Variants in SMAP2 observed in about 807,000 individuals in gnomAD.
SMAP2 encodes the protein stromal membrane-associated protein 2.
In SMAP2, 25 loss-of-function variants were observed where a neutral mutation model predicts 56.4. The observed-to-expected ratio is 0.44, with a 90% CI of 0.32 to 0.62. The LOEUF is 0.62. Ranked by LOEUF, SMAP2 falls within the 20% of genes least tolerant of loss-of-function variation. The probability of loss-of-function intolerance (pLI) is 0.04; values close to 1 mark genes in which losing one functional copy is unlikely to be tolerated. For synonymous variants in SMAP2, 157 were observed against 181.7 expected (o/e 0.86, Z 1.09); for missense variants, 388 against 545.6 (o/e 0.71, Z 2.88).
At chr1:40,357,936 A>G (rs1473596458) in intron 1 of SMAP2, among the ~76,000 whole-genome samples, 3 of 150,826 alleles carry the variant, frequency 2.0e-5, no homozygotes. Context: ...TATAAATTTT[A>G]GGATTGTTTT....
rs924997056 is a variant in SMAP2, at chr1:40,374,648, G to A, written c.103+425G>A. The A allele has an allele frequency of 2.1e-6, 3 of 1,405,824 alleles. No homozygotes were observed. Among genetic ancestry groups the A allele is most frequent in the African/African-American group, 2.9e-5 (2 of 68,872 alleles). The allele number at this position is 1,405,824 out of a possible 1,614,324, so 87.1% of individuals were successfully genotyped here. A position where few individuals can be genotyped will look rare whatever the true frequency, so the allele number is the denominator to read the frequency against. ...GTGAGAGAGAGAGAGAGAGAATGACGAGGAGGAGGAGGAGGGAAGTGAGAT... is the reference window on the plus strand; with the variant it reads ...GTGAGAGAGAGAGAGAGAGAATGACAAGGAGGAGGAGGAGGGAAGTGAGAT... On this transcript the variant is annotated intron_variant, in intron 1 of 9. Transcript: ENST00000372718. This position sits in a 1 kb window ranked among gnomAD's most constrained non-coding sequence, Gnocchi z 5.9.
rs541237302 is a variant in SMAP2, at chr1:40,408,021, A to G, written c.238-632A>G. On this transcript the variant is annotated intron_variant, in intron 2 of 9. Coordinates refer to ENST00000372718, the MANE Select transcript of SMAP2 (RefSeq NM_022733.3). This position sits in a 1 kb window ranked among gnomAD's most constrained non-coding sequence, Gnocchi z 4.3. ...CCCCGCCCCCCAAATCCAGTTGCTA[A>G]AGTTGGTAATGGAAATCAGAGGTTA... is the stretch of plus-strand genomic sequence containing the variant. Among the ~76,000 whole-genome samples, 4 of 150,192 alleles carry G rather than the reference A, an allele frequency of 2.7e-5. No homozygotes were observed. The highest frequency in any genetic ancestry group is 2.0e-4 in the Admixed American group (3 of 15,062).
intron 1 of SMAP2, among the ~76,000 whole-genome samples, chr1:40,353,707 G>A (rs755759296): frequency 3.9e-5 from 6 of 151,920 alleles, no homozygotes; most frequent in Non-Finnish European, 7.4e-5. Flanking sequence ...ATCCTCAGAA[G>A]TTCTGATTTA....
intron 5 of SMAP2, 61 bp from the exon 6 acceptor site, chr1:40,414,098 A>C: frequency 2.7e-6 from 4 of 1,467,100 alleles, no homozygotes; most frequent in Non-Finnish European, 3.8e-6. Context: ...TTTACAGTGG[A>C]GATGGGAAAA....
At chr1:40,410,368 G>T (rs1644923131) in intron 4 of SMAP2, among the ~76,000 whole-genome samples, 1 of 151,786 alleles carries the variant, frequency 6.6e-6, no homozygotes, top group Non-Finnish European at 1.5e-5. Flanking sequence ...TGTTAGTGAT[G>T]ATTCCCAGTT....
chr1:40,406,809 G>C lies in SMAP2; in HGVS notation c.177G>C (p.Gly59=). The C allele has an allele frequency of 6.2e-7, 1 of 1,614,026 alleles. No individual in the cohort carries two copies. Among genetic ancestry groups the C allele is most frequent in the Non-Finnish European group, 8.5e-7 (1 of 1,179,954 alleles). Residue 59 remains glycine (G), a synonymous_variant, in exon 2 of 10, where the codon GGG becomes GGC. Coordinates refer to ENST00000372718, the MANE Select transcript of SMAP2 (RefSeq NM_022733.3). ...IRCAGIHRNL[G]VHISRVKSVN... is the part of the protein sequence containing the mutation. The stretch of plus-strand genomic sequence containing the variant: ...GTGCTGGAATCCACAGGAATCTGGG[G>C]GTGCACATATCCAGGGTAAAGTCAG...
intron 2 of SMAP2, chr1:40,365,309 A>G (rs1261908183): frequency 6.6e-6 from 1 of 152,340 alleles, no homozygotes; most frequent in Non-Finnish European, 1.5e-5. Flanking sequence ...TATTTCAAAT[A>G]ATTTTTAAAA....
intron 8 of SMAP2, 160 bp downstream of exon 8, chr1:40,416,501 G>A (rs1408896388): frequency 2.4e-6 from 2 of 819,376 alleles, no homozygotes; most frequent in South Asian, 1.8e-5. Context: ...GGAAATTAAT[G>A]TAACTCAGAG....
At chr1:40,413,194 T>C (rs1050722139) in intron 5 of SMAP2, 92 bp downstream of exon 5, 1 of 925,434 alleles carries the variant, frequency 1.1e-6, no homozygotes, top group Non-Finnish European at 1.8e-6. Context: ...TGAGTACCAT[T>C]GCACCATCAC....
intron 7 of SMAP2, among the ~76,000 whole-genome samples, chr1:40,415,747 G>A (rs1291954871): frequency 1.3e-5 from 2 of 152,194 alleles, no homozygotes; most frequent in Non-Finnish European, 2.9e-5. Context: ...CAGGCACAGT[G>A]TGAGGTGGTT....
Position 40,385,696 on chromosome 1 carries a change from G to A in SMAP2, c.103+11473G>A, listed in dbSNP as rs146490006. Among the ~76,000 whole-genome samples the A allele has an allele frequency of 3.5e-3, 527 of 152,362 alleles. 3 individuals carry two copies. Among genetic ancestry groups the A allele is most frequent in the African/African-American group, 0.012 (501 of 41,580 alleles). On this transcript the variant is annotated intron_variant, in intron 1 of 9. Coordinates refer to ENST00000372718, the MANE Select transcript of SMAP2 (RefSeq NM_022733.3). The surrounding 1 kb of genome is among the most constrained non-coding windows in gnomAD (Gnocchi z 4.5). ...TCAAATAGCCATGCTGTCTTTTGCA[G>A]CAGTTGCTGGTGACGGAATACCATA... is the stretch of plus-strand genomic sequence containing the variant.
At chr1:40,392,552 T>C (rs1464108509) in intron 1 of SMAP2, among the ~76,000 whole-genome samples, 1 of 152,186 alleles carries the variant, frequency 6.6e-6, no homozygotes, top group Non-Finnish European at 1.5e-5. Flanking sequence ...CTCCCTCCCC[T>C]ATTCAGAGAA....
At chr1:40,359,347 C>T (rs1644449777) in intron 1 of SMAP2, among the ~76,000 whole-genome samples, 3 of 152,156 alleles carry the variant, frequency 2.0e-5, no homozygotes. Flanking sequence ...AGGTGACCCA[C>T]CCACCTTGGC....
chr1:40,400,122 T>C (rs1644817512), intron 1 of SMAP2, among the ~76,000 whole-genome samples: 1 of 152,150 alleles, frequency 6.6e-6, no homozygotes, highest in Non-Finnish European at 1.5e-5. Context: ...GCAAGTGGCA[T>C]TTGGCAGTTA....
intron 1 of SMAP2, among the ~76,000 whole-genome samples, chr1:40,349,050 G>A (rs775161060): frequency 1.3e-5 from 2 of 152,172 alleles, no homozygotes; most frequent in East Asian, 1.9e-4. Flanking sequence ...GATTACGGGC[G>A]TAAGCCACCA....
At chr1:40,379,386 C>T (rs1644573611) in intron 1 of SMAP2, among the ~76,000 whole-genome samples, 1 of 152,160 alleles carries the variant, frequency 6.6e-6, no homozygotes, top group South Asian at 2.1e-4. Context: ...ATATTACCCA[C>T]AGCTCTTGAC....
chr1:40,391,810 G>A (rs1382845072), intron 1 of SMAP2, among the ~76,000 whole-genome samples: 1 of 152,064 alleles, frequency 6.6e-6, no homozygotes, highest in Non-Finnish European at 1.5e-5. Flanking sequence ...TTTTGTTTTT[G>A]TTTTTAAATA....
intron 1 of SMAP2, among the ~76,000 whole-genome samples, chr1:40,405,920 A>C (rs531356939): frequency 1.7e-3 from 258 of 152,314 alleles, no homozygotes; most frequent in Non-Finnish European, 3.3e-3. Flanking sequence ...TTATTTGGCA[A>C]TCTTGAAACA....
rs746347434 is a variant in SMAP2 at position 40,416,938 on chromosome 1, C to A, written c.1006C>A (p.Pro336Thr). ...TGGGATGGTTGCCCCCATGGCCATGCCTGCAGGCTATATGGGTGGCATGCA... is the reference window on the plus strand; with the variant it reads ...TGGGATGGTTGCCCCCATGGCCATGACTGCAGGCTATATGGGTGGCATGCA... ...ASGMVAPMAM[P>T]AGYMGGMQAS... The change falls in exon 9 of 10, where the codon CCT becomes ACT. Residue 336 changes from proline (P) to threonine (T), a missense_variant. Physicochemically the swap from Pro to Thr is conservative, Grantham distance 38. Transcript: ENST00000372718. 2.5e-6 allele frequency: 4 copies of A among 1,614,204 alleles called. No individual in the cohort carries two copies. In the South Asian group the frequency reaches 4.4e-5, roughly 18 times the overall value.
Sources: allele counts gnomAD v4.1 joint callset (sites outside exome capture counted in the v4.1 genomes callset), GRCh38; gene constraint gnomAD v4.1.1; non-coding constraint Gnocchi (gnomAD v3.1); transcripts MANE v1.5; gene names NCBI Gene and HGNC (gene_info 2026-07-23, HGNC 2026-07-21).